RAPGEF2: variants seen among roughly 807,000 people sequenced by gnomAD.
The protein encoded by RAPGEF2 is Rap guanine nucleotide exchange factor 2, also known as PDZ domain containing guanine nucleotide exchange factor (GEF) 1.
Under a neutral mutation model 186.7 loss-of-function variants are expected in RAPGEF2, and 54 were observed. The observed-to-expected ratio is 0.29, with a 90% CI of 0.23 to 0.36. The LOEUF is 0.36. Ranked by LOEUF, RAPGEF2 falls within the 10% of genes least tolerant of loss-of-function variation. The probability of loss-of-function intolerance (pLI) is 1.00; values close to 1 mark genes in which losing one functional copy is unlikely to be tolerated. For missense variants in RAPGEF2, 1,532 were observed against 2,045.0 expected, an observed-to-expected ratio of 0.75 and a Z score of 4.84; for synonymous variants, 712 against 705.9, an observed-to-expected ratio of 1.01 and a Z score of -0.14.
At chr4:159,162,901 A>G (rs189231604) in intron 1 of RAPGEF2, among the ~76,000 whole-genome samples, 1 of 152,174 alleles carries the variant, frequency 6.6e-6, no homozygotes, top group Non-Finnish European at 1.5e-5. Flanking sequence ...TTTTTCCGTA[A>G]GATTACCCAG....
intron 7 of RAPGEF2, among the ~76,000 whole-genome samples, chr4:159,251,889 G>A (rs6536404): frequency 0.62 from 93,928 of 151,302 alleles, 30,318 homozygotes; most frequent in African/African-American, 0.74. Context: ...ACAGCGTGGA[G>A]TAAATTTTGC....
intron 26 of RAPGEF2, among the ~76,000 whole-genome samples, chr4:159,350,739 T>G (rs1025334720): frequency 6.6e-6 from 1 of 152,204 alleles, no homozygotes; most frequent in Non-Finnish European, 1.5e-5. Flanking sequence ...GAGACTATAT[T>G]TTAGGTACTC....
chr4:159,268,303 A>T (rs1444026571), intron 7 of RAPGEF2: 13 of 1,174,302 alleles, frequency 1.1e-5, no homozygotes, highest in Non-Finnish European at 1.5e-5. Flanking sequence ...CTCTTCAGGG[A>T]AAACAGTTTT....
At chr4:159,129,456 A>G (rs1477651800) in intron 1 of RAPGEF2, among the ~76,000 whole-genome samples, 2 of 152,200 alleles carry the variant, frequency 1.3e-5, no homozygotes, top group Non-Finnish European at 2.9e-5. Flanking sequence ...AGCAGTTGTC[A>G]TTTATAAAGT....
intron 1 of RAPGEF2, among the ~76,000 whole-genome samples, chr4:159,133,210 A>G (rs1358188217): frequency 6.6e-6 from 1 of 152,174 alleles, no homozygotes; most frequent in Non-Finnish European, 1.5e-5. Flanking sequence ...AGAATATCAC[A>G]GGGCTGCAAT....
intron 1 of RAPGEF2, among the ~76,000 whole-genome samples, chr4:159,185,317 G>A (rs1384547265): frequency 6.6e-6 from 1 of 152,072 alleles, no homozygotes; most frequent in African/African-American, 2.4e-5. Flanking sequence ...TCACTTCTAG[G>A]TGTATACCCG....
chr4:159,312,286 A>G (rs922095885), intron 8 of RAPGEF2, among the ~76,000 whole-genome samples: 3 of 152,204 alleles, frequency 2.0e-5, no homozygotes, highest in Non-Finnish European at 2.9e-5. Flanking sequence ...TAGAGAACTG[A>G]TAATATTTTT....
Position 159,104,079 on chromosome 4 carries a change from C to T in RAPGEF2, c.-84C>T, listed in dbSNP as rs1417328043. On this transcript the variant is annotated 5_prime_UTR_variant, in exon 1 of 30. Coordinates refer to ENST00000691494, the MANE Select transcript of RAPGEF2 (RefSeq NM_001394067.2). ...CGCGGGCGGGCGGGCGGGCGCAGCG[C>T]GCAGGGCGGAGGCAGCAGCGGCGCT... The T allele has an allele frequency of 6.0e-6, 5 of 834,298 alleles. No individual in the cohort carries two copies. Among genetic ancestry groups the T allele is most frequent in the Non-Finnish European group, 7.7e-6 (5 of 648,870 alleles). The allele number at this position is 834,298 out of a possible 1,614,324, so 51.7% of individuals were successfully genotyped here. A position where few individuals can be genotyped will look rare whatever the true frequency, so the allele number is the denominator to read the frequency against.
rs115529967 is a variant in RAPGEF2 at position 159,180,597 on chromosome 4, A to C, written c.70-6045A>C. Among the ~76,000 whole-genome samples, 1,274 of 152,328 alleles carry C rather than the reference A, an allele frequency of 8.4e-3. 13 individuals are homozygous for C. Among genetic ancestry groups the C allele is most frequent in the African/African-American group, 0.028 (1,172 of 41,574 alleles). On this transcript the variant is annotated intron_variant, in intron 1 of 29. Transcript: ENST00000691494. The stretch of plus-strand genomic sequence containing the variant: ...GATGTACTGTAAGAGCAATAGAAGA[A>C]ACCCTGAATGTAATTGAATTTATTT...
intron 4 of RAPGEF2, among the ~76,000 whole-genome samples, chr4:159,223,454 TATTA>T (rs944971342): frequency 1.3e-5 from 2 of 152,244 alleles, no homozygotes; most frequent in African/African-American, 4.8e-5. Flanking sequence ...ATAACTTTGC[TATTA>T]ATTAAACATT....
intron 7 of RAPGEF2, among the ~76,000 whole-genome samples, chr4:159,256,933 GATA>G (rs1247472862): frequency 1.3e-5 from 2 of 151,948 alleles, no homozygotes; most frequent in Admixed American, 1.3e-4. Context: ...GTAGACTCTG[GATA>G]TTAGACCTTT....
intron 25 of RAPGEF2, among the ~76,000 whole-genome samples, chr4:159,347,881 C>T (rs1052681411): frequency 1.3e-5 from 2 of 151,754 alleles, no homozygotes; most frequent in Non-Finnish European, 2.9e-5. Context: ...TTTTTTTCTA[C>T]GTATATGTGA....
At chr4:159,202,894 G>A (rs1749597424) in intron 3 of RAPGEF2, among the ~76,000 whole-genome samples, 1 of 152,188 alleles carries the variant, frequency 6.6e-6, no homozygotes, top group Non-Finnish European at 1.5e-5. Flanking sequence ...GAGCCACTGT[G>A]CCTGGCCTCC....
At chr4:159,297,094 A>T (rs1346372506) in intron 7 of RAPGEF2, among the ~76,000 whole-genome samples, 1 of 152,218 alleles carries the variant, frequency 6.6e-6, no homozygotes, top group African/African-American at 2.4e-5. Flanking sequence ...AGCTAATTCC[A>T]CCACATAAAG....
chr4:159,133,312 A>AC (rs1190546038), intron 1 of RAPGEF2, among the ~76,000 whole-genome samples: 1 of 152,196 alleles, frequency 6.6e-6, no homozygotes. Flanking sequence ...GAAGTGGCTT[A>AC]CAGGACTACT....
At chr4:159,168,728 G>A (rs1579357521) in intron 1 of RAPGEF2, among the ~76,000 whole-genome samples, 1 of 152,152 alleles carries the variant, frequency 6.6e-6, no homozygotes, top group African/African-American at 2.4e-5. Flanking sequence ...GTTTCATTAT[G>A]CGTAGGAGGT....
rs1215182508 is a variant in RAPGEF2, at chr4:159,142,513, G to GT, written c.69+38295dup. On this transcript the variant is annotated intron_variant, in intron 1 of 29. Transcript: ENST00000691494. ...GGTTGACTTACCAGAATACTTCATG[G>GT]TTTTTTTTTTTTTATATGAAATTTT... is the stretch of plus-strand genomic sequence containing the variant. Among the ~76,000 whole-genome samples, 642 of 142,734 alleles carry GT rather than the reference G, an allele frequency of 4.5e-3. 2 individuals carry two copies. Among genetic ancestry groups the GT allele is most frequent in the Admixed American group, 9.1e-3 (129 of 14,180 alleles). 93.6% of individuals were successfully genotyped at this position (142,734 alleles called of 152,430 possible).
intron 1 of RAPGEF2, among the ~76,000 whole-genome samples, chr4:159,171,481 G>A (rs1175882534): frequency 6.6e-6 from 1 of 152,164 alleles, no homozygotes; most frequent in Admixed American, 6.5e-5. Context: ...AACTCAGTCA[G>A]TGTTGCTCAA....
chr4:159,118,610 A>T (rs1579228319), intron 1 of RAPGEF2, among the ~76,000 whole-genome samples: 1 of 151,886 alleles, frequency 6.6e-6, no homozygotes, highest in African/African-American at 2.4e-5. Flanking sequence ...TTTGAGACAA[A>T]GTTTTGCTCT....
Sources: gnomAD v4.1 joint callset for allele counts (sites outside exome capture counted in the v4.1 genomes callset) on GRCh38, gnomAD v4.1.1 for gene constraint, MANE v1.5 for transcripts, NCBI Gene and HGNC (gene_info 2026-07-23, HGNC 2026-07-21) for gene names.